ANKFN1: variants seen among roughly 807,000 people sequenced by gnomAD.
ANKFN1 encodes the protein ankyrin repeat and fibronectin type-III domain-containing protein 1.
A neutral mutation model predicts 108.7 loss-of-function variants in ANKFN1; 74 were observed. That is an observed-to-expected ratio of 0.68 (90% confidence interval 0.56 to 0.83). The LOEUF is 0.83. ANKFN1 is among the 40% of genes least tolerant of loss of function. ANKFN1 has a pLI of 0.00. For missense variants in ANKFN1, 1,505 were observed against 1,382.3 expected (o/e 1.09, Z -1.41); for synonymous variants, 547 against 516.2 (o/e 1.06, Z -0.81).
chr17:56,090,590 C>T (rs1384055723), intron 4 of ANKFN1, among the ~76,000 whole-genome samples: 1 of 151,162 alleles, frequency 6.6e-6, no homozygotes, highest in Non-Finnish European at 1.5e-5. Flanking sequence ...TTGTATCTGG[C>T]TCATCATAAC....
chr17:56,219,511 T>C (rs1915690721), intron 2 of ANKFN1, among the ~76,000 whole-genome samples: 1 of 152,214 alleles, frequency 6.6e-6, no homozygotes, highest in African/African-American at 2.4e-5. Flanking sequence ...CCTCCCAAAG[T>C]ACTGGAGTTA....
Position 56,449,112 on chromosome 17 carries a change from A to T in ANKFN1, c.1133A>T (p.His378Leu). 6.2e-7 allele frequency: 1 copy of T among 1,613,586 alleles called. No individual in the cohort carries two copies. Reference protein sequence around the residue: ...WKDYDDREPRHKGQSEVLEGL... With the variant: ...WKDYDDREPRLKGQSEVLEGL... Reference sequence around the variant, plus strand: ...GACTATGACGACAGAGAGCCCAGACACAAGGGACAGAGTGAAGTTTTGGAA... The same window carrying T: ...GACTATGACGACAGAGAGCCCAGACTCAAGGGACAGAGTGAAGTTTTGGAA... The change falls in exon 11 of 21, where the codon CAC (histidine) becomes CTC (leucine). Residue 378 changes from histidine to leucine, a missense_variant. Physicochemically the swap from His to Leu is moderately conservative, Grantham distance 99. Coordinates refer to ENST00000682825, the MANE Select transcript of ANKFN1 (RefSeq NM_001370326.1).
At chr17:56,481,516 A>G (rs2050702188) in intron 17 of ANKFN1, among the ~76,000 whole-genome samples, 1 of 151,952 alleles carries the variant, frequency 6.6e-6, no homozygotes, top group African/African-American at 2.4e-5. Context: ...ACACACGCAC[A>G]CACACACACA....
At chr17:56,446,114 C>T (rs1471575957) in intron 10 of ANKFN1, among the ~76,000 whole-genome samples, 7 of 152,184 alleles carry the variant, frequency 4.6e-5, no homozygotes, top group Admixed American at 4.6e-4. Flanking sequence ...CTCACTTGGG[C>T]TGCAATTTAG....
chr17:56,241,115 A>G (rs942665108), intron 3 of ANKFN1, among the ~76,000 whole-genome samples: 1 of 152,082 alleles, frequency 6.6e-6, no homozygotes, highest in African/African-American at 2.4e-5. Context: ...TGTAAGTTTT[A>G]AAGTTTTGAT....
chr17:56,484,441 G>A (rs1256304126), intron 18 of ANKFN1, among the ~76,000 whole-genome samples: 1 of 152,084 alleles, frequency 6.6e-6, no homozygotes, highest in African/African-American at 2.4e-5. Flanking sequence ...AATGAGAAAG[G>A]GAGAAGTCTA....
chr17:56,249,291 G>A (rs1298715115), intron 3 of ANKFN1, among the ~76,000 whole-genome samples: 5 of 151,954 alleles, frequency 3.3e-5, no homozygotes, highest in East Asian at 1.9e-4. Context: ...AAAAATAGCC[G>A]GGCATGGTGG....
At chr17:56,446,892 G>C (rs1243432349) in intron 10 of ANKFN1, among the ~76,000 whole-genome samples, 2 of 151,572 alleles carry the variant, frequency 1.3e-5, no homozygotes, top group Non-Finnish European at 2.9e-5. Flanking sequence ...GCAACAGAAT[G>C]AGACTCCGTC....
chr17:56,116,021 G>A (rs1906244118), intron 4 of ANKFN1, among the ~76,000 whole-genome samples: 1 of 152,126 alleles, frequency 6.6e-6, no homozygotes, highest in Non-Finnish European at 1.5e-5. Context: ...CACTGCAGTG[G>A]CCAATATGGG....
chr17:56,428,102 C>T (rs986163839), intron 8 of ANKFN1, among the ~76,000 whole-genome samples: 30 of 151,804 alleles, frequency 2.0e-4, no homozygotes, highest in Non-Finnish European at 3.8e-4. Flanking sequence ...GGCATGGTGG[C>T]GGGCACCTGT....
chr17:56,271,327 G>A (rs1419063649), intron 3 of ANKFN1, among the ~76,000 whole-genome samples: 1 of 152,100 alleles, frequency 6.6e-6, no homozygotes, highest in Non-Finnish European at 1.5e-5. Flanking sequence ...TCTGTTGGCC[G>A]CCACCAAACT....
At chr17:56,184,748 G>C (rs1319939026) in intron 1 of ANKFN1, 1 of 152,150 alleles carries the variant, frequency 6.6e-6, no homozygotes, top group Non-Finnish European at 1.5e-5. Flanking sequence ...TTGATCCTCA[G>C]ATCTGCCCTG....
intron 4 of ANKFN1, among the ~76,000 whole-genome samples, chr17:56,105,092 A>G (rs1905719827): frequency 6.6e-6 from 1 of 152,188 alleles, no homozygotes; most frequent in Non-Finnish European, 1.5e-5. Context: ...ATATGCAGCA[A>G]CTTTGCCTGG....
chr17:56,341,025 A>C (rs187732200), intron 4 of ANKFN1, among the ~76,000 whole-genome samples: 1 of 151,820 alleles, frequency 6.6e-6, no homozygotes, highest in Non-Finnish European at 1.5e-5. Context: ...TCACCCCCCT[A>C]GTTAGCAGAA....
At chr17:56,068,277 T>C (rs972839195) in intron 4 of ANKFN1, among the ~76,000 whole-genome samples, 1 of 151,698 alleles carries the variant, frequency 6.6e-6, no homozygotes, top group Non-Finnish European at 1.5e-5. Context: ...TTAAAGGGAG[T>C]TGAATGATGG....
chr17:56,196,460 G>T (rs2110214), intron 1 of ANKFN1, among the ~76,000 whole-genome samples: 1 of 152,060 alleles, frequency 6.6e-6, no homozygotes, highest in Middle Eastern at 3.4e-3. Flanking sequence ...AGGGCCAGGC[G>T]TGGTGGCTCA....
chr17:56,312,090 C>T (rs1224151387), intron 3 of ANKFN1, among the ~76,000 whole-genome samples: 1 of 152,162 alleles, frequency 6.6e-6, no homozygotes, highest in Non-Finnish European at 1.5e-5. Context: ...TCACCCCCAC[C>T]ACCCAGTGTT....
At chr17:56,220,784 AAGGAAGGG>A (rs1179689178) in intron 2 of ANKFN1, among the ~76,000 whole-genome samples, 10 of 131,610 alleles carry the variant, frequency 7.6e-5, no homozygotes, top group African/African-American at 3.0e-4. Flanking sequence ...GGAAGTCAGG[AAGGAAGGG>A]AGGAAGGGAG....
chr17:56,168,749 G>C (rs1910385665), intron 1 of ANKFN1, among the ~76,000 whole-genome samples: 1 of 152,086 alleles, frequency 6.6e-6, no homozygotes, highest in African/African-American at 2.4e-5. Flanking sequence ...TTATTATTAT[G>C]AGGCATCTTT....
Sources: gnomAD v4.1 joint callset for allele counts (sites outside exome capture counted in the v4.1 genomes callset) on GRCh38, gnomAD v4.1.1 for gene constraint, MANE v1.5 for transcripts, NCBI Gene and HGNC (gene_info 2026-07-23, HGNC 2026-07-21) for gene names.